STT3B: variants seen among roughly 807,000 people sequenced by gnomAD.
The protein encoded by STT3B is dolichyl-diphosphooligosaccharide--protein glycosyltransferase subunit STT3B.
In STT3B, 29 loss-of-function variants were observed where a neutral mutation model predicts 96.8. The observed-to-expected ratio is 0.30, with a 90% CI of 0.22 to 0.41. STT3B has a LOEUF of 0.41. Among genes scored for constraint, STT3B ranks in the 10% least tolerant of loss-of-function variants. The pLI is 1.00. For missense variants in STT3B, 640 were observed against 1,022.3 expected, an observed-to-expected ratio of 0.63 and a Z score of 5.10; for synonymous variants, 367 against 360.0, an observed-to-expected ratio of 1.02 and a Z score of -0.22.
chr3:31,550,719 G>A (rs772080527), intron 1 of STT3B, among the ~76,000 whole-genome samples: 10 of 152,224 alleles, frequency 6.6e-5, no homozygotes, highest in Non-Finnish European at 1.3e-4. Flanking sequence ...TATGTTTAAT[G>A]TGATTATCTA....
At chr3:31,630,631 C>T (rs1699634581) in intron 14 of STT3B, among the ~76,000 whole-genome samples, 1 of 152,174 alleles carries the variant, frequency 6.6e-6, no homozygotes, top group South Asian at 2.1e-4. Context: ...TCACTGAAAA[C>T]TGCTTATTTC....
intron 15 of STT3B, among the ~76,000 whole-genome samples, chr3:31,634,271 T>G (rs1383803066): frequency 6.6e-6 from 1 of 152,196 alleles, no homozygotes; most frequent in Non-Finnish European, 1.5e-5. Flanking sequence ...GCTGCTATTC[T>G]CAAAGCAGTT....
At chr3:31,584,454 T>C (rs1470986988) in intron 3 of STT3B, among the ~76,000 whole-genome samples, 1 of 152,172 alleles carries the variant, frequency 6.6e-6, no homozygotes, top group African/African-American at 2.4e-5. Flanking sequence ...GTTCATTACA[T>C]CTTTTTTTTT....
intron 3 of STT3B, among the ~76,000 whole-genome samples, chr3:31,593,765 T>C (rs1055676334): frequency 6.6e-6 from 1 of 152,186 alleles, no homozygotes; most frequent in Admixed American, 6.5e-5. Flanking sequence ...TGTTTCTTTA[T>C]GGAAATTTTG....
chr3:31,591,382 C>CT (rs541741301), intron 3 of STT3B, among the ~76,000 whole-genome samples: 97 of 152,100 alleles, frequency 6.4e-4, no homozygotes, highest in Non-Finnish European at 1.2e-3. Flanking sequence ...TTAGATCTTG[C>CT]TTTTTTATCC....
chr3:31,636,104 G>C lies in STT3B; in HGVS notation c.*40G>C, dbSNP rs755697578. 2.7e-6 allele frequency: 4 copies of C among 1,469,832 alleles called. No individual in the cohort carries two copies. In the African/African-American group the frequency reaches 5.7e-5, roughly 21 times the overall value. 91.0% of individuals were successfully genotyped at this position (1,469,832 alleles called of 1,614,324 possible). ...TTCCTAACTTGAAGCAGTTGTCCTT[G>C]TGAGAACCGGTCTTTGCCTTTAGCT... On this transcript the variant is annotated 3_prime_UTR_variant, in exon 16 of 16. Transcript: ENST00000295770.
chr3:31,605,435 G>C (rs1699028701), intron 5 of STT3B, among the ~76,000 whole-genome samples: 3 of 152,082 alleles, frequency 2.0e-5, no homozygotes, highest in Non-Finnish European at 1.5e-5. Context: ...CCCATGTGTT[G>C]TGGGAGGAAC....
Position 31,539,098 on chromosome 3 carries a change from T to G in STT3B, c.314+5786T>G, listed in dbSNP as rs1480563148. ...AACCATTATTTAGAATTTTATGTCTTTGGAAAAATACTTCCATAGTTTCAG... is the reference window on the plus strand; with the variant it reads ...AACCATTATTTAGAATTTTATGTCTGTGGAAAAATACTTCCATAGTTTCAG... On this transcript the variant is annotated intron_variant, in intron 1 of 15. Coordinates refer to ENST00000295770, the MANE Select transcript of STT3B (RefSeq NM_178862.3). Among the ~76,000 whole-genome samples the G allele has an allele frequency of 2.6e-5, 4 of 152,264 alleles. No individual in the cohort carries two copies. In the South Asian group the frequency reaches 6.2e-4, roughly 24 times the overall value.
chr3:31,540,927 G>A (rs1697250950), intron 1 of STT3B, among the ~76,000 whole-genome samples: 1 of 152,138 alleles, frequency 6.6e-6, no homozygotes, highest in African/African-American at 2.4e-5. Flanking sequence ...ATTATTTGAT[G>A]CCTATTCTTA....
chr3:31,619,342 G>T (rs1699380116), intron 8 of STT3B, among the ~76,000 whole-genome samples: 1 of 152,166 alleles, frequency 6.6e-6, no homozygotes, highest in African/African-American at 2.4e-5. Flanking sequence ...AAAAGGTAAT[G>T]AGACTCGTTG....
intron 3 of STT3B, among the ~76,000 whole-genome samples, chr3:31,582,074 T>C (rs1024856748): frequency 6.6e-6 from 1 of 152,182 alleles, no homozygotes; most frequent in African/African-American, 2.4e-5. Flanking sequence ...TTGAGTCTTC[T>C]CTCTTTTTTA....
chr3:31,577,178 C>T (rs6801521), intron 2 of STT3B, among the ~76,000 whole-genome samples: 100,001 of 151,846 alleles, frequency 0.66, 34,048 homozygotes, highest in Non-Finnish European at 0.75. Flanking sequence ...TTACTTCTAG[C>T]ATAGGTTTGT....
At chr3:31,608,370 T>A (rs955989109) in intron 5 of STT3B, among the ~76,000 whole-genome samples, 2 of 152,166 alleles carry the variant, frequency 1.3e-5, no homozygotes, top group Non-Finnish European at 2.9e-5. Context: ...TATTTATGGA[T>A]CTTCTTTGCA....
At chr3:31,610,485 A>G (rs1559385350) in intron 5 of STT3B, among the ~76,000 whole-genome samples, 1 of 152,080 alleles carries the variant, frequency 6.6e-6, no homozygotes, top group African/African-American at 2.4e-5. Context: ...GTAAGCTGCA[A>G]TGCCTTATCA....
chr3:31,533,531 G>A, intron 1 of STT3B: 1 of 463,324 alleles, frequency 2.2e-6, no homozygotes, highest in Non-Finnish European at 3.3e-6. Flanking sequence ...GGGTCCAGGA[G>A]CGAAACCTTG....
rs1014856045 is a variant in STT3B, at chr3:31,616,993, A to C, written c.1041A>C (p.Gln347His). 11 of 1,612,074 alleles carry C rather than the reference A, an allele frequency of 6.8e-6. No homozygotes were observed. Among genetic ancestry groups the C allele is most frequent in the Non-Finnish European group, 6.8e-6 (8 of 1,178,550 alleles). Residue 347 changes from glutamine to histidine, a missense_variant, in exon 7 of 16, where the codon CAA becomes CAC. Gln to His is a conservative substitution (Grantham distance 24). Around this residue, in one of 8 missense-constraint regions of STT3B, gnomAD observed 267 missense variants for 388.3 expected, o/e 0.69. Coordinates refer to ENST00000295770, the MANE Select transcript of STT3B (RefSeq NM_178862.3). ...ATCTGAGAGACCGATTAACAAAACA[A>C]GAGTTCCAGACCCTTTTCTTTTTGG... ...LQYLRDRLTK[Q>H]EFQTLFFLGV...
At chr3:31,623,922 A>G (rs1699479922) in intron 11 of STT3B, 61 bp downstream of exon 11, 7 of 1,330,022 alleles carry the variant, frequency 5.3e-6, no homozygotes, top group Non-Finnish European at 7.2e-6. Context: ...CGTTGTCTCA[A>G]AGGATATAAT....
At chr3:31,540,777 A>C (rs1285794714) in intron 1 of STT3B, among the ~76,000 whole-genome samples, 1 of 152,178 alleles carries the variant, frequency 6.6e-6, no homozygotes, top group Non-Finnish European at 1.5e-5. Context: ...GTGATTTTTC[A>C]AAATTCTAGT....
intron 3 of STT3B, among the ~76,000 whole-genome samples, chr3:31,587,314 G>T (rs528081029): frequency 6.6e-6 from 1 of 152,002 alleles, no homozygotes; most frequent in South Asian, 2.1e-4. Context: ...CATCCCCCCA[G>T]CCCTTAGCAA....
Sources: allele counts gnomAD v4.1 joint callset (sites outside exome capture counted in the v4.1 genomes callset), GRCh38; gene constraint gnomAD v4.1.1; regional missense constraint gnomAD v4.1.1; transcripts MANE v1.5; gene names NCBI Gene and HGNC (gene_info 2026-07-23, HGNC 2026-07-21).